Variants in FAM114A2 observed in about 807,000 individuals in gnomAD.
FAM114A2 encodes protein FAM114A2.
In FAM114A2, 53 loss-of-function variants were observed where a neutral mutation model predicts 58.4. The observed-to-expected ratio is 0.91, with a 90% CI of 0.73 to 1.14. The LOEUF is 1.14. FAM114A2 is among the 50% of genes most tolerant of loss of function. The probability of loss-of-function intolerance (pLI) is 0.00; values close to 1 mark genes in which losing one functional copy is unlikely to be tolerated. For synonymous variants in FAM114A2, 228 were observed against 211.4 expected, an observed-to-expected ratio of 1.08 and a Z score of -0.68; for missense variants, 601 against 581.1, an observed-to-expected ratio of 1.03 and a Z score of -0.35.
intron 9 of FAM114A2, among the ~76,000 whole-genome samples, chr5:154,007,627 C>T (rs1046902816): frequency 1.3e-5 from 2 of 152,126 alleles, no homozygotes; most frequent in African/African-American, 4.8e-5. Context: ...TACAAAAATA[C>T]GTATTAATGT....
chr5:154,030,129 C>G (rs1056492246), intron 4 of FAM114A2, among the ~76,000 whole-genome samples: 1 of 152,068 alleles, frequency 6.6e-6, no homozygotes, highest in South Asian at 2.1e-4. Flanking sequence ...ACATGTAAAA[C>G]TGTACACCTA....
Position 153,992,816 on chromosome 5 carries a change from A to C in FAM114A2, c.*160T>G. On this transcript the variant is annotated 3_prime_UTR_variant, in exon 14 of 14. Coordinates refer to ENST00000351797, the MANE Select transcript of FAM114A2 (RefSeq NM_018691.4). ...AATACTGTGAGAACCTGAATACTTC[A>C]ATCAAACACTGAAGGCAACAATCTT... 1.9e-6 allele frequency: 1 copy of C among 521,046 alleles called. No homozygotes were observed. The highest frequency in any genetic ancestry group is 3.3e-6 in the Non-Finnish European group (1 of 299,512). The allele number at this position is 521,046 out of a possible 1,614,324, so 32.3% of individuals were successfully genotyped here. A position where few individuals can be genotyped will look rare whatever the true frequency, so the allele number is the denominator to read the frequency against.
chr5:154,027,153 T>C (rs1453726421), intron 7 of FAM114A2, 23 bp downstream of exon 7: 8 of 1,587,436 alleles, frequency 5.0e-6, no homozygotes, highest in Non-Finnish European at 6.8e-6. Context: ...CTTTTTCCAG[T>C]TGAGATTTTG....
At chr5:154,014,610 A>T (rs1466926802) in intron 8 of FAM114A2, among the ~76,000 whole-genome samples, 2 of 152,172 alleles carry the variant, frequency 1.3e-5, no homozygotes, top group Non-Finnish European at 2.9e-5. Flanking sequence ...TAGAGAGCCA[A>T]GTGAAATACA....
At chr5:154,020,621 C>A (rs1349834975) in intron 8 of FAM114A2, among the ~76,000 whole-genome samples, 2 of 152,130 alleles carry the variant, frequency 1.3e-5, no homozygotes, top group Admixed American at 1.3e-4. Flanking sequence ...CTGAACAGAG[C>A]AATAACAGCC....
chr5:153,998,858 G>A (rs77716259), intron 11 of FAM114A2, among the ~76,000 whole-genome samples: 2,802 of 152,290 alleles, frequency 0.018, 39 homozygotes, highest in Middle Eastern at 0.1. Flanking sequence ...TGTGATGCTG[G>A]CAATTCAGAT....
rs148325346 is a variant in FAM114A2 at position 154,033,860 on chromosome 5, C to T, written c.334G>A (p.Glu112Lys). The change falls in exon 4 of 14, where the codon GAG (glutamate) becomes AAG (lysine). Residue 112 changes from glutamate to lysine, a missense_variant. By Grantham distance (56) the Glu-to-Lys change is moderately conservative. Transcript: ENST00000351797. ...ATTCCAAGGGAAGTCTCTGCCTTCTCGATGACATTTGAAATGCCTTGTCCT... is the reference window on the plus strand; with the variant it reads ...ATTCCAAGGGAAGTCTCTGCCTTCTTGATGACATTTGAAATGCCTTGTCCT... ...TVGQGISNVIEKAETSLGIPG... is the reference protein window; with the variant it reads ...TVGQGISNVIKKAETSLGIPG... The T allele has an allele frequency of 7.5e-6, 12 of 1,610,074 alleles. No homozygotes were observed. The highest frequency in any genetic ancestry group is 2.2e-5 in the South Asian group (2 of 90,824).
At chr5:154,035,653 G>C (rs1446426479) in intron 1 of FAM114A2, among the ~76,000 whole-genome samples, 1 of 152,144 alleles carries the variant, frequency 6.6e-6, no homozygotes, top group Non-Finnish European at 1.5e-5. Flanking sequence ...GAAAGTTCAT[G>C]TATAGGTTTT....
In FAM114A2 at chr5:154,027,210, G is replaced by A. The variant is rs1245792739; in HGVS notation, c.755C>T (p.Ala252Val). 1.9e-6 allele frequency: 3 copies of A among 1,612,854 alleles called. No homozygotes were observed. The highest frequency in any genetic ancestry group is 2.5e-6 in the Non-Finnish European group (3 of 1,179,538). The change falls in exon 7 of 14, where the codon GCT (alanine) becomes GTT (valine). Residue 252 changes from alanine (A) to valine (V), a missense_variant. Coordinates refer to ENST00000351797, the MANE Select transcript of FAM114A2 (RefSeq NM_018691.4). ...DEFQGLSHLEALEMLSQESEI... is the reference protein window; with the variant it reads ...DEFQGLSHLEVLEMLSQESEI... The stretch of plus-strand genomic sequence containing the variant: ...ACTTTCTTGGGAAAGCATCTCCAGA[G>A]CTTCTAGATGTGAAAGGCCTTGAAA...
intron 9 of FAM114A2, among the ~76,000 whole-genome samples, chr5:154,003,308 A>G (rs1001375211): frequency 4.6e-5 from 7 of 151,276 alleles, no homozygotes; most frequent in Non-Finnish European, 1.0e-4. Flanking sequence ...CCTCCCGAGT[A>G]GCTGGGATTA....
At position 154,029,471 on chromosome 5, in the gene FAM114A2, T is replaced by C; in HGVS notation, c.495+18A>G. 7.3e-7 allele frequency: 1 copy of C among 1,376,616 alleles called. No individual in the cohort carries two copies. The highest frequency in any genetic ancestry group is 1.4e-5 in the African/African-American group (1 of 70,076). 85.3% of individuals were successfully genotyped at this position (1,376,616 alleles called of 1,614,324 possible). ...TAATAATGGAAAGGAACAGACCACC[T>C]TGCACTTTTTTACTTACTGTGCTCT... On this transcript the variant is annotated intron_variant, in intron 5 of 13. Transcript: ENST00000351797.
At chr5:154,013,960 T>C (rs755654458) in intron 8 of FAM114A2, among the ~76,000 whole-genome samples, 1 of 152,234 alleles carries the variant, frequency 6.6e-6, no homozygotes, top group African/African-American at 2.4e-5. Context: ...TAGCATACTC[T>C]TCTTACAGGT....
At chr5:154,014,337 G>T (rs1770882377) in intron 8 of FAM114A2, among the ~76,000 whole-genome samples, 1 of 152,192 alleles carries the variant, frequency 6.6e-6, no homozygotes, top group Admixed American at 6.5e-5. Context: ...GATGGACAGA[G>T]CAGCGCGTGG....
chr5:154,010,830 G>T (rs1770644066), intron 9 of FAM114A2, among the ~76,000 whole-genome samples: 1 of 152,132 alleles, frequency 6.6e-6, no homozygotes. Flanking sequence ...TGGGCTCTGG[G>T]TAATGACAAC....
At chr5:154,036,211 A>C (rs544950191) in intron 1 of FAM114A2, 1 of 152,310 alleles carries the variant, frequency 6.6e-6, no homozygotes, top group African/African-American at 2.4e-5. Context: ...TATTGTCCTT[A>C]AAAATCTTAC....
chr5:154,027,294 G>C lies in FAM114A2; in HGVS notation c.671C>G (p.Ser224Cys), dbSNP rs1411866125. ...EAKEKEEIRTSNEVTVETDKK... is the reference protein window; with the variant it reads ...EAKEKEEIRTCNEVTVETDKK... ...GTCTGTTTCCACGGTAACCTCATTG[G>C]AGGTCCGTATCTCTTCTTTCTCCTT... The change falls in exon 7 of 14, where the codon TCC becomes TGC. Residue 224 changes from serine to cysteine, a missense_variant. Transcript: ENST00000351797. 3.7e-6 allele frequency: 6 copies of C among 1,613,544 alleles called. No homozygotes were observed. Among genetic ancestry groups the C allele is most frequent in the Non-Finnish European group, 5.1e-6 (6 of 1,179,704 alleles).
chr5:154,019,063 A>G (rs948389349), intron 8 of FAM114A2, among the ~76,000 whole-genome samples: 1 of 152,190 alleles, frequency 6.6e-6, no homozygotes, highest in Non-Finnish European at 1.5e-5. Context: ...AGCCAGAGCA[A>G]TCAGAGAAAG....
intron 8 of FAM114A2, among the ~76,000 whole-genome samples, chr5:154,025,472 A>G (rs558978068): frequency 6.6e-6 from 1 of 152,276 alleles, no homozygotes; most frequent in South Asian, 2.1e-4. Flanking sequence ...TAAGTAGACA[A>G]CATCTTAGTA....
chr5:154,013,897 A>C (rs2113341495), intron 8 of FAM114A2, among the ~76,000 whole-genome samples: 1 of 152,346 alleles, frequency 6.6e-6, no homozygotes, highest in Admixed American at 6.5e-5. Flanking sequence ...TGCTTACTAT[A>C]TGCCACATAT....
Sources: gnomAD v4.1 joint callset for allele counts (sites outside exome capture counted in the v4.1 genomes callset) on GRCh38, gnomAD v4.1.1 for gene constraint, MANE v1.5 for transcripts, NCBI Gene and HGNC (gene_info 2026-07-23, HGNC 2026-07-21) for gene names.